PPP2R2B: variants seen among roughly 807,000 people sequenced by gnomAD.
PPP2R2B encodes the protein protein phosphatase 2 regulatory subunit Bbeta, also known as serine/threonine-protein phosphatase 2A 55 kDa regulatory subunit B beta isoform.
Under a neutral mutation model 46.0 loss-of-function variants are expected in PPP2R2B, and 5 were observed. That is an observed-to-expected ratio of 0.11 (90% confidence interval 0.06 to 0.23). The LOEUF is 0.23. Among genes scored for constraint, PPP2R2B ranks in the 10% least tolerant of loss-of-function variants. The pLI, the probability that PPP2R2B is intolerant of heterozygous loss-of-function variation, is 1.00. For synonymous variants in PPP2R2B, 215 were observed against 206.7 expected, an observed-to-expected ratio of 1.04 and a Z score of -0.34; for missense variants, 367 against 575.0, an observed-to-expected ratio of 0.64 and a Z score of 3.70.
intron 2 of PPP2R2B, among the ~76,000 whole-genome samples, chr5:146,824,615 G>A (rs949776910): frequency 6.6e-6 from 1 of 152,038 alleles, no homozygotes; most frequent in Admixed American, 6.6e-5. Context: ...CACACACTGT[G>A]GTAGAGTGGT....
intron 2 of PPP2R2B, among the ~76,000 whole-genome samples, chr5:146,816,679 AG>A (rs1757950225): frequency 6.6e-6 from 1 of 152,196 alleles, no homozygotes; most frequent in Non-Finnish European, 1.5e-5. Flanking sequence ...ATAAAAACAC[AG>A]GTTTTTTATT....
At chr5:146,679,204 C>T (rs1777958562) in intron 5 of PPP2R2B, among the ~76,000 whole-genome samples, 2 of 10,160 alleles carry the variant, frequency 2.0e-4, no homozygotes, top group Non-Finnish European at 3.2e-4. Context: ...AGATATAGAT[C>T]AATGGAACAG....
chr5:146,811,061 T>C (rs970440965), intron 2 of PPP2R2B, among the ~76,000 whole-genome samples: 6 of 152,164 alleles, frequency 3.9e-5, no homozygotes, highest in African/African-American at 4.8e-5. Flanking sequence ...TGGAGTGCAA[T>C]GGTGCGATCT....
At chr5:146,808,811 C>T (rs751505713) in intron 2 of PPP2R2B, among the ~76,000 whole-genome samples, 4 of 152,328 alleles carry the variant, frequency 2.6e-5, no homozygotes, top group African/African-American at 9.6e-5. Flanking sequence ...TACCTGGTAA[C>T]TCTTCTAGTC....
chr5:146,852,108 A>G (rs1760385931), intron 2 of PPP2R2B, among the ~76,000 whole-genome samples: 1 of 152,132 alleles, frequency 6.6e-6, no homozygotes, highest in South Asian at 2.1e-4. Flanking sequence ...CTTATCAAAA[A>G]CCAAAGCCAC....
At chr5:146,885,802 G>A (rs1010996529) in intron 1 of PPP2R2B, among the ~76,000 whole-genome samples, 4 of 152,146 alleles carry the variant, frequency 2.6e-5, no homozygotes, top group Admixed American at 6.5e-5. Context: ...AGAAAGGAAC[G>A]AAGTATTGAA....
In PPP2R2B at chr5:146,588,400, T is replaced by C. The variant is rs1447226770; in HGVS notation, c.*1547A>G. On this transcript the variant is annotated 3_prime_UTR_variant, in exon 10 of 10. Transcript: ENST00000394411. The stretch of plus-strand genomic sequence containing the variant: ...TTTCCTCCTCCAAAGCAAATTACAC[T>C]TGAAAGTCAGGACTTCTAATACATC... 1.3e-5 allele frequency: 2 copies of C among 152,212 alleles called. No homozygotes were observed. The highest frequency in any genetic ancestry group is 3.8e-4 in the East Asian group (2 of 5,204). The allele number at this position is 152,212 out of a possible 1,614,324, so 9.4% of individuals were successfully genotyped here. A position where few individuals can be genotyped will look rare whatever the true frequency, so the allele number is the denominator to read the frequency against.
chr5:146,796,480 T>G (rs1462957197), intron 2 of PPP2R2B, among the ~76,000 whole-genome samples: 1 of 152,162 alleles, frequency 6.6e-6, no homozygotes, highest in African/African-American at 2.4e-5. Flanking sequence ...TAATTTACAC[T>G]CAGAGTGCCC....
chr5:147,015,742 T>C (rs919523650), intron 1 of PPP2R2B, among the ~76,000 whole-genome samples: 3 of 149,868 alleles, frequency 2.0e-5, no homozygotes, highest in African/African-American at 7.3e-5. Context: ...ATATAGTTAA[T>C]ATATTCTTAA....
chr5:146,647,483 T>A (rs1243471627), intron 6 of PPP2R2B, among the ~76,000 whole-genome samples: 1 of 152,200 alleles, frequency 6.6e-6, no homozygotes, highest in African/African-American at 2.4e-5. Context: ...TATATAGATA[T>A]CACTTATCAT....
At chr5:146,832,854 G>A (rs1436105387) in intron 2 of PPP2R2B, among the ~76,000 whole-genome samples, 1 of 151,932 alleles carries the variant, frequency 6.6e-6, no homozygotes, top group Non-Finnish European at 1.5e-5. Flanking sequence ...TAGGTGTGCA[G>A]TAGGCTATAC....
chr5:146,686,534 A>G (rs746312557), intron 5 of PPP2R2B, among the ~76,000 whole-genome samples: 2 of 152,240 alleles, frequency 1.3e-5, no homozygotes, highest in African/African-American at 2.4e-5. Context: ...TACCTGGCAC[A>G]TAGTAAGCAC....
intron 1 of PPP2R2B, among the ~76,000 whole-genome samples, chr5:146,941,408 G>C (rs1315539671): frequency 6.6e-6 from 1 of 152,136 alleles, no homozygotes; most frequent in East Asian, 1.9e-4. Flanking sequence ...AATTCTTTAA[G>C]GTAGTCCATC....
At chr5:146,774,332 T>C (rs746343466) in intron 2 of PPP2R2B, among the ~76,000 whole-genome samples, 1 of 152,178 alleles carries the variant, frequency 6.6e-6, no homozygotes, top group African/African-American at 2.4e-5. Context: ...ATCAGCAATG[T>C]GTTTTTGTCT....
chr5:146,651,131 A>G (rs1775928677), intron 5 of PPP2R2B, among the ~76,000 whole-genome samples: 1 of 152,130 alleles, frequency 6.6e-6, no homozygotes, highest in Admixed American at 6.6e-5. Flanking sequence ...TTCAACTTTA[A>G]TCTAAATTTA....
intron 2 of PPP2R2B, among the ~76,000 whole-genome samples, chr5:146,795,577 T>G (rs558751568): frequency 2.6e-4 from 39 of 152,158 alleles, no homozygotes; most frequent in Non-Finnish European, 5.4e-4. Flanking sequence ...AGAGACCTAA[T>G]ATACAACATG....
chr5:146,968,641 A>T (rs1456798119), intron 1 of PPP2R2B, among the ~76,000 whole-genome samples: 3 of 152,358 alleles, frequency 2.0e-5, no homozygotes, highest in Non-Finnish European at 4.4e-5. Flanking sequence ...ATACTATGAC[A>T]CGCTTTAAAG....
chr5:146,831,264 A>G (rs1758913134), intron 2 of PPP2R2B, among the ~76,000 whole-genome samples: 1 of 152,130 alleles, frequency 6.6e-6, no homozygotes, highest in South Asian at 2.1e-4. Flanking sequence ...TGGGAGGCTG[A>G]GACAGGTGGA....
At chr5:146,886,765 T>C (rs115228419) in intron 1 of PPP2R2B, among the ~76,000 whole-genome samples, 1,604 of 152,240 alleles carry the variant, frequency 0.011, 32 homozygotes, top group African/African-American at 0.037. Flanking sequence ...ATGTTTTCGT[T>C]AAAATATTTT....
Sources: allele counts gnomAD v4.1 joint callset (sites outside exome capture counted in the v4.1 genomes callset), GRCh38; gene constraint gnomAD v4.1.1; transcripts MANE v1.5; gene names NCBI Gene and HGNC (gene_info 2026-07-23, HGNC 2026-07-21).